The following LEF1 variants were observed in gnomAD, a reference collection of about 807,000 sequenced individuals.
LEF1 encodes the protein lymphoid enhancer-binding factor 1.
A neutral mutation model predicts 51.2 loss-of-function variants in LEF1; 14 were observed. That is an observed-to-expected ratio of 0.27 (90% CI 0.18 to 0.43). The LOEUF is 0.43. Ranked by LOEUF, LEF1 falls within the 20% of genes least tolerant of loss-of-function variation. The probability of loss-of-function intolerance (pLI) is 1.00; values close to 1 mark genes in which losing one functional copy is unlikely to be tolerated. For missense variants in LEF1, 386 were observed against 512.0 expected, an observed-to-expected ratio of 0.75 and a Z score of 2.37; for synonymous variants, 185 against 183.2, an observed-to-expected ratio of 1.01 and a Z score of -0.08.
chr4:108,077,338 C>T (rs1459126658), intron 8 of LEF1, among the ~76,000 whole-genome samples: 2 of 152,102 alleles, frequency 1.3e-5, no homozygotes, highest in African/African-American at 4.8e-5. Flanking sequence ...ACCCAACTGA[C>T]TGGTAAGAGA....
intron 4 of LEF1, among the ~76,000 whole-genome samples, chr4:108,087,766 G>A (rs925303797): frequency 6.6e-6 from 1 of 152,176 alleles, no homozygotes; most frequent in East Asian, 1.9e-4. Flanking sequence ...CTGAGATTGT[G>A]ACCCACAGGT....
intron 9 of LEF1, 101 bp from the exon 10 acceptor site, chr4:108,064,485 G>C: frequency 1.2e-6 from 1 of 800,070 alleles, no homozygotes; most frequent in Non-Finnish European, 2.1e-6. Context: ...AAGAGGTAAA[G>C]ATGACTCATT....
chr4:108,121,581 C>A (rs980262760), intron 3 of LEF1, among the ~76,000 whole-genome samples: 1 of 152,184 alleles, frequency 6.6e-6, no homozygotes, highest in Non-Finnish European at 1.5e-5. Flanking sequence ...CTTGCTAGAC[C>A]AGTTATTGCC....
intron 3 of LEF1, among the ~76,000 whole-genome samples, chr4:108,159,204 TCTGA>T (rs1744917458): frequency 6.6e-6 from 1 of 152,164 alleles, no homozygotes; most frequent in Non-Finnish European, 1.5e-5. Flanking sequence ...TTCCAATTAT[TCTGA>T]CTATGATCCT....
chr4:108,117,821 T>A (rs1741933111), intron 3 of LEF1, among the ~76,000 whole-genome samples: 1 of 152,138 alleles, frequency 6.6e-6, no homozygotes. Context: ...ACTGGAAGAA[T>A]CTTAGAGATC....
Position 108,168,854 on chromosome 4 carries a change from G to C in LEF1, c.-1087C>G, listed in dbSNP as rs1046258768. On this transcript the variant is annotated 5_prime_UTR_variant, in exon 1 of 12. Transcript: ENST00000265165. This position sits in a 1 kb window ranked among gnomAD's most constrained non-coding sequence, Gnocchi z 4.6. ...GGCTCCGGGCGCGTCCTGGTTCCTC[G>C]GCCCGAGAGCGCGCAGCCCGGGTCC... The C allele has an allele frequency of 2.0e-5, 3 of 152,144 alleles. No homozygotes were observed. The highest frequency in any genetic ancestry group is 4.4e-5 in the Non-Finnish European group (3 of 68,026). 9.4% of individuals were successfully genotyped at this position (152,144 alleles called of 1,614,324 possible). A position where few individuals can be genotyped will look rare whatever the true frequency, so the allele number is the denominator to read the frequency against.
chr4:108,062,092 G>GT (rs202007771), intron 11 of LEF1, among the ~76,000 whole-genome samples: 1,763 of 152,304 alleles, frequency 0.012, 13 homozygotes, highest in Non-Finnish European at 0.018. Flanking sequence ...CAGGGGGTAG[G>GT]TATCGATATT....
At chr4:108,069,968 A>G (rs1420281486) in intron 9 of LEF1, among the ~76,000 whole-genome samples, 1 of 152,188 alleles carries the variant, frequency 6.6e-6, no homozygotes, top group South Asian at 2.1e-4. Flanking sequence ...AAAAAAAAAA[A>G]AAAACGCAAA....
chr4:108,135,828 T>C (rs777303302), intron 3 of LEF1, among the ~76,000 whole-genome samples: 31 of 152,148 alleles, frequency 2.0e-4, no homozygotes, highest in Non-Finnish European at 1.3e-4. Flanking sequence ...GAGCCTGCAA[T>C]TCCTTCTGCT....
intron 3 of LEF1, among the ~76,000 whole-genome samples, chr4:108,110,148 G>A (rs1219021988): frequency 1.3e-5 from 2 of 152,218 alleles, no homozygotes; most frequent in Non-Finnish European, 2.9e-5. Context: ...TTGGCAAACA[G>A]TTTTCCAAGT....
intron 3 of LEF1, among the ~76,000 whole-genome samples, chr4:108,125,051 A>T (rs1234053659): frequency 1.3e-5 from 2 of 152,218 alleles, no homozygotes; most frequent in Non-Finnish European, 2.9e-5. Flanking sequence ...ATATTTTCCC[A>T]TGATAGGCCA....
rs188300467 is a variant in LEF1 at position 108,151,406 on chromosome 4, G to A, written c.414+12162C>T. Among the ~76,000 whole-genome samples, 5 of 152,150 alleles carry A rather than the reference G, an allele frequency of 3.3e-5. No homozygotes were observed. In the East Asian group the frequency reaches 5.8e-4, roughly 18 times the overall value. Reference sequence around the variant, plus strand: ...CTCACTGATTCAATAATCATCTAGCGTCTTCTGCATGCTAGTGGCAGAAAT... The same window carrying A: ...CTCACTGATTCAATAATCATCTAGCATCTTCTGCATGCTAGTGGCAGAAAT... On this transcript the variant is annotated intron_variant, in intron 3 of 11. Coordinates refer to ENST00000265165, the MANE Select transcript of LEF1 (RefSeq NM_016269.5).
At chr4:108,144,014 C>T (rs1175858198) in intron 3 of LEF1, among the ~76,000 whole-genome samples, 1 of 151,964 alleles carries the variant, frequency 6.6e-6, no homozygotes, top group East Asian at 1.9e-4. Context: ...CTGGAGGGTC[C>T]TTATGCTCCT....
At chr4:108,122,440 T>G (rs1156826069) in intron 3 of LEF1, among the ~76,000 whole-genome samples, 1 of 152,146 alleles carries the variant, frequency 6.6e-6, no homozygotes, top group Non-Finnish European at 1.5e-5. Flanking sequence ...CTCGTTTCAT[T>G]AATTTAGTCA....
intron 3 of LEF1, among the ~76,000 whole-genome samples, chr4:108,099,078 T>G (rs184572429): frequency 6.6e-6 from 1 of 152,174 alleles, no homozygotes; most frequent in Non-Finnish European, 1.5e-5. Flanking sequence ...AAATACTGTG[T>G]GTGAAAATAA....
At chr4:108,071,422 C>T (rs1560767446) in intron 8 of LEF1, among the ~76,000 whole-genome samples, 1 of 152,142 alleles carries the variant, frequency 6.6e-6, no homozygotes. Flanking sequence ...GGCTTTTAGC[C>T]TCCTTCTGAT....
chr4:108,075,114 T>C (rs1316980242), intron 8 of LEF1, among the ~76,000 whole-genome samples: 1 of 152,118 alleles, frequency 6.6e-6, no homozygotes, highest in Non-Finnish European at 1.5e-5. Context: ...TGGGAAAGCA[T>C]TGTAATTATT....
In LEF1 at chr4:108,167,518, GC is replaced by G. The variant is rs754564932; in HGVS notation, c.213+36del. 144 of 1,604,658 alleles carry G rather than the reference GC, an allele frequency of 9.0e-5. No homozygotes were observed. The highest frequency in any genetic ancestry group is 1.0e-5 in the Non-Finnish European group (12 of 1,173,288). On this transcript the variant is annotated intron_variant, in intron 1 of 11. Transcript: ENST00000265165. This position sits in a 1 kb window ranked among gnomAD's most constrained non-coding sequence, Gnocchi z 5.7. The stretch of plus-strand genomic sequence containing the variant: ...CCCTCTCTGAGTTTCCCAGGGACCC[GC>G]CACGCCTCTCGGAACTGGGGCAGCG...
intron 3 of LEF1, among the ~76,000 whole-genome samples, chr4:108,156,072 A>C (rs1560828937): frequency 6.6e-6 from 1 of 152,234 alleles, no homozygotes; most frequent in East Asian, 1.9e-4. Context: ...AGCATTAACC[A>C]CATGATTCTG....
Sources: gnomAD v4.1 joint callset for allele counts (sites outside exome capture counted in the v4.1 genomes callset) on GRCh38, gnomAD v4.1.1 for gene constraint, Gnocchi (gnomAD v3.1) non-coding constraint, MANE v1.5 for transcripts, NCBI Gene and HGNC (gene_info 2026-07-23, HGNC 2026-07-21) for gene names.